The following IMMP2L variants were observed in gnomAD, a reference collection of about 807,000 sequenced individuals.
The protein encoded by IMMP2L is inner mitochondrial membrane peptidase subunit 2.
IMMP2L carries 18 observed loss-of-function variants against 19.3 expected under a neutral mutation model. That is an observed-to-expected ratio of 0.93 (90% CI 0.64 to 1.38). The LOEUF (loss-of-function observed/expected upper bound fraction) is 1.38. IMMP2L is among the 40% of genes most tolerant of loss of function. The pLI, the probability that IMMP2L is intolerant of heterozygous loss-of-function variation, is 0.00. For missense variants in IMMP2L, 233 were observed against 218.2 expected, an observed-to-expected ratio of 1.07 and a Z score of -0.43; for synonymous variants, 76 against 73.0, an observed-to-expected ratio of 1.04 and a Z score of -0.21.
chr7:111,513,981 A>G (rs532858134), intron 2 of IMMP2L, among the ~76,000 whole-genome samples: 1 of 152,212 alleles, frequency 6.6e-6, no homozygotes, highest in Admixed American at 6.5e-5. Flanking sequence ...AATCAAAAAA[A>G]GCTGGACTCA....
intron 3 of IMMP2L, among the ~76,000 whole-genome samples, chr7:111,281,403 G>A (rs146814891): frequency 6.6e-6 from 1 of 152,204 alleles, no homozygotes; most frequent in East Asian, 1.9e-4. Context: ...ATAGGATACA[G>A]AGACTAAAAA....
chr7:111,069,436 T>C (rs960891312), intron 3 of IMMP2L, among the ~76,000 whole-genome samples: 1 of 152,336 alleles, frequency 6.6e-6, no homozygotes, highest in East Asian at 1.9e-4. Flanking sequence ...GAGTGAGTTT[T>C]TAATCCATCA....
chr7:111,295,676 T>C (rs1289294157), intron 3 of IMMP2L, among the ~76,000 whole-genome samples: 1 of 151,812 alleles, frequency 6.6e-6, no homozygotes, highest in African/African-American at 2.4e-5. Context: ...CGTATAAATG[T>C]GTGCAACCAT....
At chr7:111,503,014 A>C (rs533577871) in intron 2 of IMMP2L, among the ~76,000 whole-genome samples, 3,006 of 151,988 alleles carry the variant, frequency 0.02, 100 homozygotes, top group African/African-American at 0.069. Flanking sequence ...ACCCTTCAAA[A>C]AATTAATGAA....
chr7:111,345,927 C>T (rs1430879293), intron 3 of IMMP2L, among the ~76,000 whole-genome samples: 3 of 152,168 alleles, frequency 2.0e-5, no homozygotes, highest in African/African-American at 7.2e-5. Flanking sequence ...TTCCACATCT[C>T]CACAAATACT....
At chr7:111,053,010 A>C (rs138061221) in intron 3 of IMMP2L, among the ~76,000 whole-genome samples, 2 of 152,208 alleles carry the variant, frequency 1.3e-5, no homozygotes, top group Admixed American at 6.5e-5. Context: ...GAATCCATAC[A>C]GGTCTACAGG....
At chr7:110,928,351 G>GCACACACA (rs58639346) in intron 4 of IMMP2L, among the ~76,000 whole-genome samples, 246 of 117,104 alleles carry the variant, frequency 2.1e-3, no homozygotes, top group South Asian at 9.2e-3. Context: ...ATATGTACCT[G>GCACACACA]CACACACACA....
intron 3 of IMMP2L, among the ~76,000 whole-genome samples, chr7:111,046,784 G>A (rs1007807878): frequency 6.6e-6 from 1 of 152,038 alleles, no homozygotes; most frequent in East Asian, 1.9e-4. Flanking sequence ...TTTACATTTC[G>A]AGGTGTTTAC....
At chr7:110,879,463 C>T (rs1809422597) in intron 5 of IMMP2L, among the ~76,000 whole-genome samples, 1 of 151,940 alleles carries the variant, frequency 6.6e-6, no homozygotes, top group Non-Finnish European at 1.5e-5. Context: ...CATCTGTATG[C>T]TCCCACTCTG....
chr7:111,157,883 A>G (rs1804821685), intron 3 of IMMP2L, among the ~76,000 whole-genome samples: 1 of 152,010 alleles, frequency 6.6e-6, no homozygotes, highest in Non-Finnish European at 1.5e-5. Flanking sequence ...AAAAAATAAA[A>G]TAAAATAATA....
chr7:111,069,036 G>T lies in IMMP2L; in HGVS notation c.240-105471C>A, dbSNP rs1794739846. Among the ~76,000 whole-genome samples the T allele has an allele frequency of 1.3e-5, 2 of 152,168 alleles. 1 individual carries two copies. Among genetic ancestry groups the T allele is most frequent in the Admixed American group, 1.3e-4 (2 of 15,270 alleles). Reference sequence around the variant, plus strand: ...GGATAACTTCTGGTAATGTAGAATGGACACTATATTGAGCCAAGAGGCTTG... The same window carrying T: ...GGATAACTTCTGGTAATGTAGAATGTACACTATATTGAGCCAAGAGGCTTG... On this transcript the variant is annotated intron_variant, in intron 3 of 5. Transcript: ENST00000405709.
intron 1 of IMMP2L, among the ~76,000 whole-genome samples, chr7:111,557,866 A>G (rs1278891190): frequency 6.6e-6 from 1 of 152,104 alleles, no homozygotes; most frequent in Non-Finnish European, 1.5e-5. Flanking sequence ...TGAATAAGGT[A>G]CGAGTCAATG....
At chr7:110,994,089 G>A (rs1346019257) in intron 3 of IMMP2L, among the ~76,000 whole-genome samples, 3 of 151,244 alleles carry the variant, frequency 2.0e-5, no homozygotes, top group African/African-American at 4.9e-5. Flanking sequence ...TTGGGAAATA[G>A]CTTTGATCAT....
intron 3 of IMMP2L, among the ~76,000 whole-genome samples, chr7:111,040,684 T>C (rs1213788279): frequency 6.7e-6 from 1 of 148,564 alleles, no homozygotes; most frequent in Admixed American, 6.7e-5. Flanking sequence ...AGAAAGAGAG[T>C]AAGAATTTGA....
At chr7:111,474,745 T>C (rs76306865) in intron 3 of IMMP2L, among the ~76,000 whole-genome samples, 6,977 of 152,232 alleles carry the variant, frequency 0.046, 264 homozygotes, top group South Asian at 0.083. Context: ...CTTTACCTTC[T>C]TGCAACTCAA....
chr7:111,348,965 T>C (rs932248026), intron 3 of IMMP2L, among the ~76,000 whole-genome samples: 3 of 152,166 alleles, frequency 2.0e-5, no homozygotes, highest in Non-Finnish European at 4.4e-5. Flanking sequence ...CAAGTATTTA[T>C]TTCCTTCCCA....
intron 3 of IMMP2L, among the ~76,000 whole-genome samples, chr7:111,037,911 A>G (rs1670067736): frequency 6.6e-6 from 1 of 152,170 alleles, no homozygotes; most frequent in Non-Finnish European, 1.5e-5. Context: ...AATGTACTGT[A>G]TTTTGTTAAG....
rs1004733316 is a variant in IMMP2L, at chr7:111,288,802, G to A, written c.239+198436C>T. Among the ~76,000 whole-genome samples, 11 of 152,040 alleles carry A rather than the reference G, an allele frequency of 7.2e-5. No individual in the cohort carries two copies. The East Asian group carries it at 7.7e-4, about 11-fold the overall frequency. ...GGAGAGGATGTGGAGAAATAGGAAC[G>A]CTTTTACACTGTTGGTGGGAGTGTA... On this transcript the variant is annotated intron_variant, in intron 3 of 5. Transcript: ENST00000405709.
chr7:111,354,738 C>T (rs73203009), intron 3 of IMMP2L, among the ~76,000 whole-genome samples: 7 of 151,560 alleles, frequency 4.6e-5, no homozygotes, highest in Non-Finnish European at 8.9e-5. Flanking sequence ...AAATAAGCAA[C>T]TGGAAGACTT....
Sources: gnomAD v4.1 joint callset for allele counts (sites outside exome capture counted in the v4.1 genomes callset) on GRCh38, gnomAD v4.1.1 for gene constraint, MANE v1.5 for transcripts, NCBI Gene and HGNC (gene_info 2026-07-23, HGNC 2026-07-21) for gene names.